TBC1D22A: variants seen among roughly 807,000 people sequenced by gnomAD.
TBC1D22A encodes putative GTPase activator.
A neutral mutation model predicts 60.2 loss-of-function variants in TBC1D22A; 38 were observed. The observed-to-expected ratio is 0.63, with a 90% CI of 0.49 to 0.83. TBC1D22A has a LOEUF of 0.83. Ranked by LOEUF, TBC1D22A falls within the 40% of genes least tolerant of loss-of-function variation. The pLI is 0.00. For missense variants in TBC1D22A, 628 were observed against 701.0 expected, an observed-to-expected ratio of 0.90 and a Z score of 1.18; for synonymous variants, 302 against 281.7, an observed-to-expected ratio of 1.07 and a Z score of -0.72.
chr22:47,115,550 G>A (rs910540), intron 12 of TBC1D22A, among the ~76,000 whole-genome samples: 56,961 of 152,036 alleles, frequency 0.37, 10,857 homozygotes, highest in South Asian at 0.52. Context: ...TGTGTCCCGC[G>A]GTGCCCGCTT....
At chr22:46,823,910 T>C (rs2085936895) in intron 4 of TBC1D22A, among the ~76,000 whole-genome samples, 1 of 152,112 alleles carries the variant, frequency 6.6e-6, no homozygotes, top group African/African-American at 2.4e-5. Flanking sequence ...ACAGTGGAGC[T>C]GTGATTCAGA....
intron 12 of TBC1D22A, among the ~76,000 whole-genome samples, chr22:47,138,702 T>G (rs1420110186): frequency 6.6e-6 from 1 of 152,206 alleles, no homozygotes; most frequent in Non-Finnish European, 1.5e-5. Flanking sequence ...GATGGTGGGC[T>G]TAGAAACAGC....
chr22:47,098,038 A>G (rs978678626), intron 11 of TBC1D22A, among the ~76,000 whole-genome samples: 1 of 151,972 alleles, frequency 6.6e-6, no homozygotes, highest in Non-Finnish European at 1.5e-5. Flanking sequence ...GCTTTATTAG[A>G]TACAATTTAC....
intron 4 of TBC1D22A, among the ~76,000 whole-genome samples, chr22:46,873,889 C>T (rs995789913): frequency 7.2e-5 from 11 of 152,084 alleles, no homozygotes; most frequent in South Asian, 2.1e-4. Flanking sequence ...CTCCACCTCC[C>T]GGGTTCACAC....
chr22:47,045,715 AT>A (rs1287229292), intron 11 of TBC1D22A, among the ~76,000 whole-genome samples: 2 of 152,280 alleles, frequency 1.3e-5, no homozygotes, highest in Non-Finnish European at 2.9e-5. Flanking sequence ...AGAACAGTCA[AT>A]AAAAAAGAAA....
In TBC1D22A at chr22:46,912,137, A is replaced by G; in HGVS notation, c.964A>G (p.Ile322Val). The G allele has an allele frequency of 6.2e-7, 1 of 1,614,116 alleles. No homozygotes were observed. Among genetic ancestry groups the G allele is most frequent in the Non-Finnish European group, 8.5e-7 (1 of 1,179,996 alleles). ...CCCAGCCAGTGGATACGTTCAGGGTATAAATGATCTCGTCACTCCTTTCTT... is the reference window on the plus strand; with the variant it reads ...CCCAGCCAGTGGATACGTTCAGGGTGTAAATGATCTCGTCACTCCTTTCTT... ...RHPASGYVQG[I>V]NDLVTPFFVV... The change falls in exon 8 of 13, where the codon ATA becomes GTA. Residue 322 changes from isoleucine (I) to valine (V), a missense_variant. Coordinates refer to ENST00000337137, the MANE Select transcript of TBC1D22A (RefSeq NM_014346.5).
At chr22:47,038,031 C>T (rs962153445) in intron 11 of TBC1D22A, among the ~76,000 whole-genome samples, 2 of 152,216 alleles carry the variant, frequency 1.3e-5, no homozygotes, top group Admixed American at 6.5e-5. Flanking sequence ...CCTCTCTTCC[C>T]TTGAGTGTCC....
At chr22:46,821,910 T>C (rs2085848560) in intron 4 of TBC1D22A, among the ~76,000 whole-genome samples, 1 of 152,026 alleles carries the variant, frequency 6.6e-6, no homozygotes, top group Non-Finnish European at 1.5e-5. Context: ...TGAAGTCTCA[T>C]ATTTCTTGGA....
At chr22:46,959,259 C>A (rs2148046614) in intron 8 of TBC1D22A, among the ~76,000 whole-genome samples, 1 of 152,292 alleles carries the variant, frequency 6.6e-6, no homozygotes, top group South Asian at 2.1e-4. Context: ...TGGTATGGGG[C>A]TGGTGTGAGG....
intron 11 of TBC1D22A, among the ~76,000 whole-genome samples, chr22:47,064,929 C>G (rs999942261): frequency 6.6e-6 from 1 of 152,104 alleles, no homozygotes; most frequent in African/African-American, 2.4e-5. Flanking sequence ...TATAAAGAGG[C>G]AGTTTCTAAG....
intron 8 of TBC1D22A, among the ~76,000 whole-genome samples, chr22:46,962,690 G>T (rs967888679): frequency 2.0e-5 from 3 of 152,192 alleles, no homozygotes; most frequent in African/African-American, 7.2e-5. Context: ...TGGCTTCAAA[G>T]AGCATGTTAT....
chr22:47,108,219 G>A (rs5767497), intron 11 of TBC1D22A, among the ~76,000 whole-genome samples: 62,206 of 152,066 alleles, frequency 0.41, 13,055 homozygotes, highest in South Asian at 0.55. Flanking sequence ...CAAGCAAAAT[G>A]AAAGCCTATG....
At chr22:46,821,966 C>A (rs1167931329) in intron 4 of TBC1D22A, among the ~76,000 whole-genome samples, 3 of 151,860 alleles carry the variant, frequency 2.0e-5, no homozygotes, top group Admixed American at 6.6e-5. Flanking sequence ...TTCTTGTCTG[C>A]ATACCTTATT....
chr22:46,961,019 GA>G (rs34680583), intron 8 of TBC1D22A, among the ~76,000 whole-genome samples: 6,391 of 127,548 alleles, frequency 0.05, 228 homozygotes, highest in African/African-American at 0.1. Flanking sequence ...TCAGAGACAA[GA>G]AAAAAAAAAA....
intron 10 of TBC1D22A, among the ~76,000 whole-genome samples, chr22:47,005,201 T>C (rs965015998): frequency 6.6e-6 from 1 of 151,484 alleles, no homozygotes; most frequent in Non-Finnish European, 1.5e-5. Context: ...ACCTGCTATA[T>C]ATCCACACCC....
intron 2 of TBC1D22A, 132 bp downstream of exon 2, chr22:46,792,708 C>A: frequency 6.3e-7 from 1 of 1,584,204 alleles, no homozygotes; most frequent in Non-Finnish European, 8.6e-7. Flanking sequence ...TTCAGCCACA[C>A]TGATCAAGCA....
Position 46,894,806 on chromosome 22 carries a change from T to A in TBC1D22A, c.860T>A (p.Met287Lys). Residue 287 changes from methionine (M) to lysine (K), a missense_variant, in exon 7 of 13, where the codon ATG becomes AAG. Met to Lys is a moderately conservative substitution (Grantham distance 95, BLOSUM62 -1). Transcript: ENST00000337137. ...YRQIHIDIPR[M>K]SPEALILQPK... ...CAGATCCACATAGACATCCCTCGCA[T>A]GAGCCCTGAAGCGTTGATCCTGCAG... 5 of 1,613,776 alleles carry A rather than the reference T, an allele frequency of 3.1e-6. No homozygotes were observed. Among genetic ancestry groups the A allele is most frequent in the Non-Finnish European group, 4.2e-6 (5 of 1,179,596 alleles).
chr22:47,043,192 C>T (rs1162020964), intron 11 of TBC1D22A, among the ~76,000 whole-genome samples: 5 of 152,234 alleles, frequency 3.3e-5, no homozygotes, highest in South Asian at 4.1e-4. Context: ...CCACAAGAGC[C>T]GGCCCTCAGG....
At chr22:46,964,781 G>A (rs923497917) in intron 8 of TBC1D22A, among the ~76,000 whole-genome samples, 1 of 152,222 alleles carries the variant, frequency 6.6e-6, no homozygotes, top group Non-Finnish European at 1.5e-5. Context: ...TGGGCCAGCA[G>A]GGGCACTGAG....
Sources: gnomAD v4.1 joint callset for allele counts (sites outside exome capture counted in the v4.1 genomes callset) on GRCh38, gnomAD v4.1.1 for gene constraint, MANE v1.5 for transcripts, NCBI Gene and HGNC (gene_info 2026-07-23, HGNC 2026-07-21) for gene names.